STIM2: variants seen among roughly 807,000 people sequenced by gnomAD.
STIM2 encodes the protein stromal interaction molecule 2.
Under a neutral mutation model 85.8 loss-of-function variants are expected in STIM2, and 31 were observed. The observed-to-expected ratio is 0.36, with a 90% CI of 0.27 to 0.49. The LOEUF (loss-of-function observed/expected upper bound fraction) is 0.49, where lower values mean the gene tolerates loss of function less well. Ranked by LOEUF, STIM2 falls within the 20% of genes least tolerant of loss-of-function variation. The pLI, the probability that STIM2 is intolerant of heterozygous loss-of-function variation, is 0.98. For missense variants in STIM2, 841 were observed against 927.6 expected, an observed-to-expected ratio of 0.91 and a Z score of 1.21; for synonymous variants, 356 against 331.1, an observed-to-expected ratio of 1.08 and a Z score of -0.82.
chr4:26,903,514 G>A (rs897461424), intron 1 of STIM2, among the ~76,000 whole-genome samples: 10 of 151,994 alleles, frequency 6.6e-5, no homozygotes, highest in Middle Eastern at 3.2e-3. Flanking sequence ...TTTCTTAATG[G>A]CATTTATTGA....
rs767160624 is a variant in STIM2 at position 27,017,833 on chromosome 4, C to G, written c.1612C>G (p.Pro538Ala). Reference sequence around the variant, plus strand: ...TCAGCTTGCTCCACACGCCCCCCACCCGTCACACCCTCGGCACCCTCACCA... The same window carrying G: ...TCAGCTTGCTCCACACGCCCCCCACGCGTCACACCCTCGGCACCCTCACCA... Residue 538 changes from proline to alanine, a missense_variant, in exon 11 of 12, where the codon CCG becomes GCG. Transcript: ENST00000467087. 6.2e-7 allele frequency: 1 copy of G among 1,614,018 alleles called. No individual in the cohort carries two copies. The highest frequency in any genetic ancestry group is 8.5e-7 in the Non-Finnish European group (1 of 1,180,038).
chr4:26,945,831 T>A (rs1725816767), intron 2 of STIM2, among the ~76,000 whole-genome samples: 1 of 152,112 alleles, frequency 6.6e-6, no homozygotes, highest in Non-Finnish European at 1.5e-5. Flanking sequence ...ATTTGGGAAC[T>A]TTTCGTACTT....
intron 1 of STIM2, among the ~76,000 whole-genome samples, chr4:26,898,442 A>G (rs191963661): frequency 6.0e-4 from 92 of 152,256 alleles, no homozygotes; most frequent in African/African-American, 2.1e-3. Context: ...CCATTCCTCC[A>G]TTTAAAAAGT....
intron 10 of STIM2, among the ~76,000 whole-genome samples, chr4:27,012,725 A>AT (rs1728600263): frequency 6.6e-6 from 1 of 152,040 alleles, no homozygotes; most frequent in Non-Finnish European, 1.5e-5. Flanking sequence ...GGCAATAGGG[A>AT]TTGCCATTTC....
intron 4 of STIM2, among the ~76,000 whole-genome samples, chr4:26,998,519 T>C (rs191069671): frequency 2.0e-5 from 3 of 152,288 alleles, no homozygotes; most frequent in Non-Finnish European, 4.4e-5. Context: ...CTTAATTGTT[T>C]TTTAAAGTCT....
intron 3 of STIM2, among the ~76,000 whole-genome samples, chr4:26,958,367 C>A (rs1244873533): frequency 6.6e-6 from 1 of 152,096 alleles, no homozygotes; most frequent in Non-Finnish European, 1.5e-5. Context: ...AACTAAAATT[C>A]CTTCTTTCTA....
At chr4:26,913,807 T>C (rs1009370663) in intron 1 of STIM2, among the ~76,000 whole-genome samples, 18 of 152,216 alleles carry the variant, frequency 1.2e-4, no homozygotes, top group African/African-American at 4.3e-4. Context: ...TGCCAGATAC[T>C]GGTTTAGGCA....
chr4:26,902,319 C>T (rs780864009), intron 1 of STIM2, among the ~76,000 whole-genome samples: 7 of 152,144 alleles, frequency 4.6e-5, no homozygotes, highest in South Asian at 4.1e-4. Context: ...TATTTTCTCA[C>T]GCTGTCAGAA....
At chr4:26,977,469 G>A (rs747898888) in intron 3 of STIM2, among the ~76,000 whole-genome samples, 4 of 152,202 alleles carry the variant, frequency 2.6e-5, no homozygotes, top group Non-Finnish European at 4.4e-5. Flanking sequence ...GTGAATATTA[G>A]ACTCTTGAGG....
rs1353174149 is a variant in STIM2, at chr4:26,861,448, G to A, written c.151+79G>A. The A allele has an allele frequency of 2.4e-5, 30 of 1,238,134 alleles. No homozygotes were observed. In the East Asian group the frequency reaches 9.6e-4, roughly 40 times the overall value. The allele number at this position is 1,238,134 out of a possible 1,614,324, so 76.7% of individuals were successfully genotyped here. A position where few individuals can be genotyped will look rare whatever the true frequency, so the allele number is the denominator to read the frequency against. ...AACCCGTGCAGAGGTCAGCATCTCC[G>A]CCGGACGTCCGCTATTCCGCGGCTC... On this transcript the variant is annotated intron_variant, in intron 1 of 11. Coordinates refer to ENST00000467087, the MANE Select transcript of STIM2 (RefSeq NM_020860.4).
At chr4:26,981,170 A>G (rs952446342) in intron 3 of STIM2, among the ~76,000 whole-genome samples, 4 of 152,198 alleles carry the variant, frequency 2.6e-5, no homozygotes, top group Non-Finnish European at 5.9e-5. Context: ...GACAGGACAA[A>G]TAACTTGATC....
chr4:27,004,261 G>A (rs1728259908), intron 7 of STIM2, among the ~76,000 whole-genome samples: 1 of 151,920 alleles, frequency 6.6e-6, no homozygotes, highest in Non-Finnish European at 1.5e-5. Flanking sequence ...TCTGTTTTTT[G>A]GAGCTCTTCC....
intron 1 of STIM2, among the ~76,000 whole-genome samples, chr4:26,900,665 A>G (rs1401591929): frequency 6.6e-6 from 1 of 152,216 alleles, no homozygotes; most frequent in East Asian, 1.9e-4. Flanking sequence ...TAATTGTTAG[A>G]AATAGTTTCT....
chr4:26,892,178 G>A (rs1288014809), intron 1 of STIM2, among the ~76,000 whole-genome samples: 1 of 152,156 alleles, frequency 6.6e-6, no homozygotes, highest in African/African-American at 2.4e-5. Flanking sequence ...GCCCAGTCTT[G>A]GGTATATCTT....
intron 3 of STIM2, among the ~76,000 whole-genome samples, chr4:26,983,187 A>C (rs1195252430): frequency 6.6e-6 from 1 of 152,266 alleles, no homozygotes; most frequent in South Asian, 2.1e-4. Context: ...CTATCCAGTA[A>C]CTTGGTGGAA....
At chr4:27,017,638 G>T in intron 10 of STIM2, 73 bp from the exon 11 acceptor site, 2 of 1,557,774 alleles carry the variant, frequency 1.3e-6, no homozygotes, top group Admixed American at 3.4e-5. Flanking sequence ...GTTCTCTTGT[G>T]TGTATGTATT....
intron 2 of STIM2, among the ~76,000 whole-genome samples, 184 bp downstream of exon 2, chr4:26,919,818 C>T (rs574683738): frequency 1.9e-4 from 29 of 151,888 alleles, no homozygotes; most frequent in Non-Finnish European, 3.7e-4. Context: ...TGTTTTTCCC[C>T]CCATTTGGAT....
Position 27,002,944 on chromosome 4 carries a change from A to G in STIM2, c.821A>G (p.Glu274Gly), listed in dbSNP as rs1419885417. ...TCTATAAGGCTTGAAAAGGCACAGG[A>G]AGAAAACAGAAATGTTGCTGTAGAA... Residue 274 changes from glutamate to glycine, a missense_variant, in exon 7 of 12, where the codon GAA becomes GGA. By Grantham distance (98) the Glu-to-Gly change is moderately conservative (BLOSUM62 -2). Around this residue, in one of 3 missense-constraint regions of STIM2, gnomAD observed 408 missense variants for 525.4 expected, o/e 0.78. Coordinates refer to ENST00000467087, the MANE Select transcript of STIM2 (RefSeq NM_020860.4). 1 of 1,578,848 alleles carries G rather than the reference A, an allele frequency of 6.3e-7. No homozygotes were observed. Among genetic ancestry groups the G allele is most frequent in the Admixed American group, 1.9e-5 (1 of 51,430 alleles).
At chr4:26,913,463 A>G (rs908277218) in intron 1 of STIM2, among the ~76,000 whole-genome samples, 1 of 152,184 alleles carries the variant, frequency 6.6e-6, no homozygotes, top group Non-Finnish European at 1.5e-5. Flanking sequence ...GGTATGTTGC[A>G]TATTTTGTTC....
Sources: allele counts gnomAD v4.1 joint callset (sites outside exome capture counted in the v4.1 genomes callset), GRCh38; gene constraint gnomAD v4.1.1; regional missense constraint gnomAD v4.1.1; transcripts MANE v1.5; gene names NCBI Gene and HGNC (gene_info 2026-07-23, HGNC 2026-07-21).